The following EPHB1 variants were observed in gnomAD, a reference collection of about 807,000 sequenced individuals.
EPHB1 encodes EPH receptor B1.
In EPHB1, 30 loss-of-function variants were observed where a neutral mutation model predicts 94.4. That is an observed-to-expected ratio of 0.32 (90% CI 0.24 to 0.43). The LOEUF is 0.43. EPHB1 is among the 20% of genes least tolerant of loss of function. EPHB1 has a pLI of 1.00. For synonymous variants in EPHB1, 522 were observed against 489.1 expected, an observed-to-expected ratio of 1.07 and a Z score of -0.89; for missense variants, 1,055 against 1,308.3, an observed-to-expected ratio of 0.81 and a Z score of 2.99.
At chr3:135,215,182 A>T (rs1943118762) in intron 12 of EPHB1, among the ~76,000 whole-genome samples, 1 of 151,380 alleles carries the variant, frequency 6.6e-6, no homozygotes, top group African/African-American at 2.4e-5. Context: ...TTTTTTTTTA[A>T]GACAGAGTTT....
At chr3:134,862,119 A>G (rs1454040218) in intron 1 of EPHB1, among the ~76,000 whole-genome samples, 2 of 152,082 alleles carry the variant, frequency 1.3e-5, no homozygotes, top group Non-Finnish European at 2.9e-5. Context: ...GATCTTCCCA[A>G]GCATCATAGG....
intron 1 of EPHB1, among the ~76,000 whole-genome samples, chr3:134,869,781 C>T (rs1302329079): frequency 6.6e-6 from 1 of 152,060 alleles, no homozygotes; most frequent in Non-Finnish European, 1.5e-5. Context: ...TTGTGTCTTT[C>T]CAAAGCATTC....
chr3:135,038,805 A>C (rs554834041), intron 3 of EPHB1, among the ~76,000 whole-genome samples: 5 of 152,188 alleles, frequency 3.3e-5, no homozygotes, highest in Non-Finnish European at 2.9e-5. Flanking sequence ...ATTTATTGCA[A>C]AGAGCGAAAG....
chr3:134,820,453 T>C (rs1055642477), intron 1 of EPHB1, among the ~76,000 whole-genome samples: 1 of 152,174 alleles, frequency 6.6e-6, no homozygotes, highest in African/African-American at 2.4e-5. Flanking sequence ...GAATGCCCCC[T>C]TGGACCAGAA....
chr3:134,955,071 C>CTTTTTTTTTTTTT (rs1197013147), intron 3 of EPHB1, among the ~76,000 whole-genome samples: 3 of 8,416 alleles, frequency 3.6e-4, no homozygotes, highest in African/African-American at 4.3e-4. Flanking sequence ...GACATCCTTT[C>CTTTTTTTTTTTTT]TTTTTTTTTT....
At chr3:134,896,536 T>G (rs1342645809) in intron 1 of EPHB1, among the ~76,000 whole-genome samples, 1 of 152,238 alleles carries the variant, frequency 6.6e-6, no homozygotes, top group Non-Finnish European at 1.5e-5. Flanking sequence ...CACTGATGTG[T>G]TGTTGCTGAC....
At chr3:135,248,634 A>C (rs747939466) in intron 14 of EPHB1, 125 bp downstream of exon 14, 85 of 902,400 alleles carry the variant, frequency 9.4e-5, no homozygotes, top group Non-Finnish European at 1.1e-4. Context: ...TGTGGGCCTT[A>C]TGTTGAGGAG....
In EPHB1 at chr3:134,952,569, G is replaced by A. The variant is rs148363087; in HGVS notation, c.805+517G>A. Among the ~76,000 whole-genome samples, 845 of 152,268 alleles carry A rather than the reference G, an allele frequency of 5.5e-3. 9 individuals carry two copies. Among genetic ancestry groups the A allele is most frequent in the African/African-American group, 0.019 (809 of 41,548 alleles). On this transcript the variant is annotated intron_variant, in intron 3 of 15. Coordinates refer to ENST00000398015, the MANE Select transcript of EPHB1 (RefSeq NM_004441.5). ...CAGCACTCAACTTGGTACTGAACCC[G>A]TGTAGCTCATTAACTCAAAGCCCTC... is the stretch of plus-strand genomic sequence containing the variant.
intron 5 of EPHB1, among the ~76,000 whole-genome samples, chr3:135,147,849 A>G (rs2107692771): frequency 6.6e-6 from 1 of 152,326 alleles, no homozygotes; most frequent in South Asian, 2.1e-4. Context: ...ATGTCCTCAA[A>G]CAAGGCTGTC....
chr3:135,194,727 AG>A (rs752753279), intron 11 of EPHB1, among the ~76,000 whole-genome samples: 7 of 152,156 alleles, frequency 4.6e-5, no homozygotes, highest in Admixed American at 1.3e-4. Context: ...CTGAGGGTGC[AG>A]GGGTGGAGAA....
chr3:135,126,076 A>C (rs1029748685), intron 4 of EPHB1, among the ~76,000 whole-genome samples: 1 of 152,064 alleles, frequency 6.6e-6, no homozygotes, highest in Admixed American at 6.6e-5. Flanking sequence ...CCAGTCACTC[A>C]CACCACAGTC....
At chr3:134,982,554 A>G (rs968310425) in intron 3 of EPHB1, among the ~76,000 whole-genome samples, 10 of 152,170 alleles carry the variant, frequency 6.6e-5, no homozygotes, top group Admixed American at 2.6e-4. Context: ...TCAGTCTACC[A>G]GTTCTGTGCC....
chr3:134,948,470 A>C (rs1242214467), intron 2 of EPHB1, among the ~76,000 whole-genome samples: 1 of 152,246 alleles, frequency 6.6e-6, no homozygotes, highest in Non-Finnish European at 1.5e-5. Context: ...GCTGAAAAAA[A>C]AAATAGGCAA....
rs186707845 is a variant in EPHB1 at position 135,175,401 on chromosome 3, T to C, written c.1760-4459T>C. 4.8e-3 allele frequency among the ~76,000 whole-genome samples: 733 copies of C among 152,350 alleles called. 6 individuals carry two copies. The highest frequency in any genetic ancestry group is 0.017 in the African/African-American group (703 of 41,576). ...CTAATATATTTAAAGGCTTGGTTCA[T>C]GTTTAAGATTTTATAATTCTCCTGA... On this transcript the variant is annotated intron_variant, in intron 9 of 15. Transcript: ENST00000398015.
At chr3:135,086,888 A>G (rs1274039475) in intron 3 of EPHB1, among the ~76,000 whole-genome samples, 1 of 152,214 alleles carries the variant, frequency 6.6e-6, no homozygotes, top group African/African-American at 2.4e-5. Flanking sequence ...CTGAAGCTGT[A>G]TAGTCAAGTG....
chr3:135,095,858 A>ATATCT (rs1174438433), intron 3 of EPHB1, among the ~76,000 whole-genome samples: 5 of 152,156 alleles, frequency 3.3e-5, no homozygotes, highest in Admixed American at 6.5e-5. Context: ...TAGGGGGCTT[A>ATATCT]TATCTTCTTT....
chr3:135,140,969 A>G (rs1434366556), intron 5 of EPHB1, among the ~76,000 whole-genome samples: 1 of 152,160 alleles, frequency 6.6e-6, no homozygotes, highest in Non-Finnish European at 1.5e-5. Flanking sequence ...GGCACATTGA[A>G]TGTTCTGGGT....
chr3:135,245,378 C>T (rs1045776489), intron 13 of EPHB1, among the ~76,000 whole-genome samples: 5 of 152,124 alleles, frequency 3.3e-5, no homozygotes, highest in Admixed American at 2.0e-4. Context: ...CTATCACCAA[C>T]ACAGCCAAAT....
chr3:135,248,651 A>G, intron 14 of EPHB1, 142 bp downstream of exon 14: 1 of 704,496 alleles, frequency 1.4e-6, no homozygotes. Context: ...GGAGAGCAAC[A>G]TGCATGAAGA....
Sources: gnomAD v4.1 joint callset for allele counts (sites outside exome capture counted in the v4.1 genomes callset) on GRCh38, gnomAD v4.1.1 for gene constraint, MANE v1.5 for transcripts, NCBI Gene and HGNC (gene_info 2026-07-23, HGNC 2026-07-21) for gene names.